Variants in STK3 observed in about 807,000 individuals in gnomAD.
STK3 encodes serine/threonine kinase 3, also known as serine/threonine-protein kinase 3.
STK3 carries 41 observed loss-of-function variants against 58.0 expected under a neutral mutation model. The ratio of observed to expected loss-of-function variants is 0.71; its 90% CI spans 0.55 to 0.92. The LOEUF (loss-of-function observed/expected upper bound fraction) is 0.92, where lower values mean the gene tolerates loss of function less well. STK3 is among the 40% of genes least tolerant of loss of function. STK3 has a pLI of 0.00. For synonymous variants in STK3, 170 were observed against 191.0 expected (o/e 0.89, Z 0.91); for missense variants, 479 against 602.7 (o/e 0.79, Z 2.15).
At chr8:98,913,947 T>C (rs1839245855) in intron 1 of STK3, among the ~76,000 whole-genome samples, 1 of 152,120 alleles carries the variant, frequency 6.6e-6, no homozygotes, top group South Asian at 2.1e-4. Context: ...GGAACTGCTT[T>C]AAGATTCTAT....
chr8:98,939,401 G>C (rs553711347), intron 1 of STK3, among the ~76,000 whole-genome samples: 4 of 152,196 alleles, frequency 2.6e-5, no homozygotes, highest in Non-Finnish European at 5.9e-5. Context: ...AGTAGGTGAG[G>C]CCAGAGAGTT....
chr8:98,412,685 T>A (rs1234472831), intron 3 of STK3, among the ~76,000 whole-genome samples: 1 of 152,184 alleles, frequency 6.6e-6, no homozygotes, highest in African/African-American at 2.4e-5. Context: ...AATGTCCGAT[T>A]TGCAATCTCA....
chr8:98,391,858 T>C (rs1038203033), upstream of STK3, among the ~76,000 whole-genome samples: 16 of 152,200 alleles, frequency 1.1e-4, no homozygotes, highest in Non-Finnish European at 2.2e-4. Context: ...TAAAGACTCA[T>C]CTTAGAACTC....
intron 8 of STK3, among the ~76,000 whole-genome samples, chr8:98,567,169 A>C (rs1812550014): frequency 6.6e-6 from 1 of 152,190 alleles, no homozygotes; most frequent in Non-Finnish European, 1.5e-5. Flanking sequence ...AAATTATTGT[A>C]AAAGACACAG....
chr8:98,534,637 C>T (rs1809613775), intron 9 of STK3, among the ~76,000 whole-genome samples: 1 of 152,158 alleles, frequency 6.6e-6, no homozygotes, highest in African/African-American at 2.4e-5. Flanking sequence ...ACATTACTGA[C>T]ATTTAGACAG....
intron 4 of STK3, among the ~76,000 whole-genome samples, chr8:98,721,871 C>A (rs896193250): frequency 6.6e-6 from 1 of 152,026 alleles, no homozygotes; most frequent in Non-Finnish European, 1.5e-5. Context: ...CCAAGAAGCA[C>A]TAGGAAACAT....
At chr8:98,708,601 T>C (rs987564877) in intron 4 of STK3, among the ~76,000 whole-genome samples, 5 of 152,170 alleles carry the variant, frequency 3.3e-5, no homozygotes, top group African/African-American at 7.2e-5. Context: ...TTAACAGTTG[T>C]AGCAGTAGAG....
At chr8:98,904,582 T>G (rs758561496) in intron 1 of STK3, 1 of 563,978 alleles carries the variant, frequency 1.8e-6, no homozygotes, top group Non-Finnish European at 3.5e-6. Flanking sequence ...TCAGCAATTA[T>G]TCTACCTCCA....
At chr8:98,785,674 T>G (rs901216663) in intron 1 of STK3, among the ~76,000 whole-genome samples, 6 of 152,172 alleles carry the variant, frequency 3.9e-5, no homozygotes, top group African/African-American at 1.4e-4. Context: ...CCAGTCACAC[T>G]GGCAACACCT....
intron 2 of STK3, among the ~76,000 whole-genome samples, chr8:98,376,138 G>A (rs1355858375): frequency 2.0e-5 from 3 of 152,176 alleles, no homozygotes; most frequent in Admixed American, 2.0e-4. Flanking sequence ...GTGGTATCTT[G>A]TAGTGGTTTT....
intron 3 of STK3, among the ~76,000 whole-genome samples, chr8:98,830,884 G>A (rs1835505334): frequency 6.6e-6 from 1 of 151,308 alleles, no homozygotes; most frequent in African/African-American, 2.4e-5. Context: ...GCAGGAGAAT[G>A]GCGTGAACCC....
chr8:98,690,870 T>C (rs1407189744), intron 6 of STK3, among the ~76,000 whole-genome samples: 2 of 152,102 alleles, frequency 1.3e-5, no homozygotes, highest in East Asian at 1.9e-4. Flanking sequence ...TGGAACAGAA[T>C]AGAGGCATAA....
In STK3 at chr8:98,808,725, A is replaced by C. The variant is rs1177507272; in HGVS notation, c.26+16790T>G. Among the ~76,000 whole-genome samples, 3 of 152,168 alleles carry C rather than the reference A, an allele frequency of 2.0e-5. No individual in the cohort carries two copies. In the East Asian group the frequency reaches 5.8e-4, roughly 29 times the overall value. ...GGCACACTGCCCCTAAAACCTTTGG[A>C]ATTTCCCGAATGATAAGGGTGGAAG... is the stretch of plus-strand genomic sequence containing the variant. On this transcript the variant is annotated intron_variant, in intron 1 of 10. Coordinates refer to ENST00000419617, the MANE Select transcript of STK3 (RefSeq NM_006281.4).
chr8:98,796,221 T>A (rs1833157393), intron 1 of STK3, among the ~76,000 whole-genome samples: 1 of 152,090 alleles, frequency 6.6e-6, no homozygotes, highest in Non-Finnish European at 1.5e-5. Context: ...GTCAGAGATA[T>A]CACATTACCC....
chr8:98,834,127 G>A (rs1782401505), intron 3 of STK3, among the ~76,000 whole-genome samples: 1 of 152,182 alleles, frequency 6.6e-6, no homozygotes, highest in South Asian at 2.1e-4. Flanking sequence ...AGCTATAAGT[G>A]TACCTAATAA....
At chr8:98,792,779 G>A (rs1043954871) in intron 1 of STK3, among the ~76,000 whole-genome samples, 14 of 152,120 alleles carry the variant, frequency 9.2e-5, no homozygotes, top group Admixed American at 8.5e-4. Flanking sequence ...CAGAGGAAAA[G>A]AAGTCATTAT....
chr8:98,686,931 T>C (rs1329859674), intron 6 of STK3, among the ~76,000 whole-genome samples: 1 of 152,090 alleles, frequency 6.6e-6, no homozygotes, highest in African/African-American at 2.4e-5. Flanking sequence ...TGAGATTATA[T>C]AAAATGACCA....
intron 8 of STK3, among the ~76,000 whole-genome samples, chr8:98,564,587 A>C (rs1357675802): frequency 6.6e-6 from 1 of 152,146 alleles, no homozygotes; most frequent in Non-Finnish European, 1.5e-5. Flanking sequence ...TGTGGTCAAC[A>C]ATACTGTATA....
chr8:98,801,181 T>TA lies in STK3; in HGVS notation c.26+24333dup, dbSNP rs201106854. ...CACTCTGTGTCTAGCTAGAGGATTG[T>TA]AAATACACCAATTAGCACTCTGTCT... On this transcript the variant is annotated intron_variant, in intron 1 of 10. Transcript: ENST00000419617. Among the ~76,000 whole-genome samples the TA allele has an allele frequency of 4.3e-4, 65 of 152,266 alleles. No homozygotes were observed. In the East Asian group the frequency reaches 0.012, roughly 28 times the overall value.
Sources: allele counts gnomAD v4.1 joint callset (sites outside exome capture counted in the v4.1 genomes callset), GRCh38; gene constraint gnomAD v4.1.1; transcripts MANE v1.5; gene names NCBI Gene and HGNC (gene_info 2026-07-23, HGNC 2026-07-21).